OR2M2: variants seen among roughly 807,000 people sequenced by gnomAD.
OR2M2 encodes the protein olfactory receptor 2M2.
For synonymous variants in OR2M2, 168 were observed against 151.7 expected, an observed-to-expected ratio of 1.11 and a Z score of -0.79; for missense variants, 467 against 429.9, an observed-to-expected ratio of 1.09 and a Z score of -0.76.
At chr1:248,179,599 T>C (rs1665900743) in intron 1 of OR2M2, among the ~76,000 whole-genome samples, 1 of 152,232 alleles carries the variant, frequency 6.6e-6, no homozygotes, top group Admixed American at 6.5e-5. Context: ...GGTCACATGT[T>C]GACTGAAGCT....
chr1:248,176,890 C>T lies in OR2M2; in HGVS notation c.-19+2019C>T, dbSNP rs149303468. On this transcript the variant is annotated intron_variant, in intron 1 of 1. Coordinates refer to ENST00000641836, the MANE Select transcript of OR2M2 (RefSeq NM_001004688.2). ...GTCACATGTATCTTAGAAGAAATAT[C>T]TAATTTTCATGAGAAACAACATTAT... is the stretch of plus-strand genomic sequence containing the variant. Among the ~76,000 whole-genome samples the T allele has an allele frequency of 1.2e-3, 183 of 152,106 alleles. 3 individuals are homozygous for T. In the East Asian group the frequency reaches 0.028, roughly 23 times the overall value.
intron 1 of OR2M2, among the ~76,000 whole-genome samples, chr1:248,178,726 C>T (rs556470492): frequency 5.3e-5 from 8 of 152,138 alleles, no homozygotes; most frequent in Admixed American, 1.3e-4. Flanking sequence ...AACATTTATC[C>T]TTTTATGATA....
Position 248,180,792 on chromosome 1 carries a change from G to T in OR2M2, c.807G>T (p.Thr269=). 1 of 1,613,794 alleles carries T rather than the reference G, an allele frequency of 6.2e-7. No individual in the cohort carries two copies. The highest frequency in any genetic ancestry group is 1.1e-5 in the South Asian group (1 of 91,064). The change falls in exon 2 of 2, where the codon ACG becomes ACT. Residue 269 remains threonine (T), a synonymous_variant. Transcript: ENST00000641836. The part of the protein sequence containing the change: ...YIRPTSDHSP[T]QDKMVSVFYT... ...GGCCCACATCTGATCACTCCCCAAC[G>T]CAGGACAAGATGGTGTCTGTATTCT...
chr1:248,178,824 C>A (rs978189907), intron 1 of OR2M2, among the ~76,000 whole-genome samples: 1 of 152,220 alleles, frequency 6.6e-6, no homozygotes, highest in Non-Finnish European at 1.5e-5. Context: ...GTGGTAGCCA[C>A]AGTGGTCAAC....
At chr1:248,177,212 G>A (rs1351943157) in intron 1 of OR2M2, among the ~76,000 whole-genome samples, 1 of 152,062 alleles carries the variant, frequency 6.6e-6, no homozygotes, top group Non-Finnish European at 1.5e-5. Flanking sequence ...AGAGGGTTAT[G>A]TAGATTTACA....
chr1:248,180,242 T>C lies in OR2M2; in HGVS notation c.257T>C (p.Leu86Pro), dbSNP rs1665911978. ...TTVPKMAFNY[L>P]SGSKSISMAG... is the part of the protein sequence containing the mutation. ...GTACCCAAGATGGCCTTCAACTACC[T>C]GTCTGGCAGCAAGTCCATTTCTATG... The change falls in exon 2 of 2, where the codon CTG becomes CCG. Residue 86 changes from leucine (L) to proline (P), a missense_variant. Coordinates refer to ENST00000641836, the MANE Select transcript of OR2M2 (RefSeq NM_001004688.2). The C allele has an allele frequency of 6.2e-7, 1 of 1,614,050 alleles. No homozygotes were observed. The highest frequency in any genetic ancestry group is 1.3e-5 in the African/African-American group (1 of 74,894).
At chr1:248,179,721 T>C (rs572960386) in intron 1 of OR2M2, among the ~76,000 whole-genome samples, 1 of 152,308 alleles carries the variant, frequency 6.6e-6, no homozygotes, top group South Asian at 2.1e-4. Flanking sequence ...ATTAGATATT[T>C]TTATTCTAAT....
At chr1:248,177,206 G>A (rs978958482) in intron 1 of OR2M2, among the ~76,000 whole-genome samples, 1 of 151,956 alleles carries the variant, frequency 6.6e-6, no homozygotes, top group South Asian at 2.1e-4. Flanking sequence ...AAATTCAGAG[G>A]GTTATGTAGA....
At chr1:248,176,451 A>G (rs1665857561) in intron 1 of OR2M2, among the ~76,000 whole-genome samples, 1 of 152,166 alleles carries the variant, frequency 6.6e-6, no homozygotes, top group African/African-American at 2.4e-5. Flanking sequence ...TAAAAATAGA[A>G]GCATAAAATT....
chr1:248,180,029 T>C lies in OR2M2; in HGVS notation c.44T>C (p.Leu15Pro), dbSNP rs201832076. ...NQTFNSDFIL[L>P]GIFNHSPPHT... ...ACCTTCAACTCCGACTTCATCCTCCTTGGAATCTTCAATCACAGCCCACCA... is the reference window on the plus strand; with the variant it reads ...ACCTTCAACTCCGACTTCATCCTCCCTGGAATCTTCAATCACAGCCCACCA... The change falls in exon 2 of 2, where the codon CTT becomes CCT. Residue 15 changes from leucine to proline, a missense_variant. By Grantham distance (98) the Leu-to-Pro change is moderately conservative. Coordinates refer to ENST00000641836, the MANE Select transcript of OR2M2 (RefSeq NM_001004688.2). 11 of 1,614,010 alleles carry C rather than the reference T, an allele frequency of 6.8e-6. No individual in the cohort carries two copies. The highest frequency in any genetic ancestry group is 1.7e-4 in the Middle Eastern group (1 of 6,056).
Position 248,180,041 on chromosome 1 carries a change from A to C in OR2M2, c.56A>C (p.Asn19Thr), listed in dbSNP as rs141475463. ...NSDFILLGIFNHSPPHTFLFF... is the reference protein window; with the variant it reads ...NSDFILLGIFTHSPPHTFLFF... The stretch of plus-strand genomic sequence containing the variant: ...GACTTCATCCTCCTTGGAATCTTCA[A>C]TCACAGCCCACCACACACGTTCCTC... The change falls in exon 2 of 2, where the codon AAT becomes ACT. Residue 19 changes from asparagine (N) to threonine (T), a missense_variant. Asn to Thr is a moderately conservative substitution (Grantham distance 65). Coordinates refer to ENST00000641836, the MANE Select transcript of OR2M2 (RefSeq NM_001004688.2). The C allele has an allele frequency of 1.5e-3, 2,359 of 1,614,010 alleles. 3 individuals carry two copies. The highest frequency in any genetic ancestry group is 1.7e-3 in the Non-Finnish European group (2,060 of 1,179,982).
chr1:248,176,147 T>C (rs1286218834), intron 1 of OR2M2, among the ~76,000 whole-genome samples: 1 of 152,120 alleles, frequency 6.6e-6, no homozygotes, highest in Non-Finnish European at 1.5e-5. Flanking sequence ...TGTCTGACAT[T>C]ATTTCACATA....
Position 248,180,976 on chromosome 1 carries a change from T to C in OR2M2, c.991T>C (p.Ser331Pro), listed in dbSNP as rs755766907. The C allele has an allele frequency of 6.2e-7, 1 of 1,613,284 alleles. No individual in the cohort carries two copies. Among genetic ancestry groups the C allele is most frequent in the Non-Finnish European group, 8.5e-7 (1 of 1,179,458 alleles). The change falls in exon 2 of 2, where the codon TCC becomes CCC. Residue 331 changes from serine to proline, a missense_variant. Ser to Pro is a moderately conservative substitution (Grantham distance 74, BLOSUM62 -1). Transcript: ENST00000641836. ...GTTTGCTAAATTCTTCTTTCTAATATCCATCTTTTTCTATGATGTCAAAAT... is the reference window on the plus strand; with the variant it reads ...GTTTGCTAAATTCTTCTTTCTAATACCCATCTTTTTCTATGATGTCAAAAT... ...LLFAKFFFLI[S>P]IFFYDVKILA... is the part of the protein sequence containing the mutation.
At chr1:248,175,933 T>G (rs943839840) in intron 1 of OR2M2, among the ~76,000 whole-genome samples, 1 of 152,140 alleles carries the variant, frequency 6.6e-6, no homozygotes. Context: ...TTGGTGAGAC[T>G]CACCAATGCT....
chr1:248,175,966 A>C (rs1665852596), intron 1 of OR2M2, among the ~76,000 whole-genome samples: 1 of 152,028 alleles, frequency 6.6e-6, no homozygotes, highest in Non-Finnish European at 1.5e-5. Flanking sequence ...TATGGTTATA[A>C]ATTCCATTGT....
At chr1:248,176,734 T>C (rs1420621541) in intron 1 of OR2M2, among the ~76,000 whole-genome samples, 3 of 152,074 alleles carry the variant, frequency 2.0e-5, no homozygotes, top group Admixed American at 1.3e-4. Flanking sequence ...TTTATAGGAA[T>C]ATATACAGAT....
At chr1:248,176,037 A>G (rs1000546474) in intron 1 of OR2M2, among the ~76,000 whole-genome samples, 1 of 152,066 alleles carries the variant, frequency 6.6e-6, no homozygotes, top group Non-Finnish European at 1.5e-5. Context: ...CATTTTTGCA[A>G]ATATGAGAGA....
chr1:248,176,147 T>A (rs1286218834), intron 1 of OR2M2, among the ~76,000 whole-genome samples: 1 of 152,120 alleles, frequency 6.6e-6, no homozygotes, highest in African/African-American at 2.4e-5. Flanking sequence ...TGTCTGACAT[T>A]ATTTCACATA....
Position 248,180,736 on chromosome 1 carries a change from T to C in OR2M2, c.751T>C (p.Tyr251His). 6.2e-7 allele frequency: 1 copy of C among 1,613,654 alleles called. No homozygotes were observed. The highest frequency in any genetic ancestry group is 8.5e-7 in the Non-Finnish European group (1 of 1,179,860). The change falls in exon 2 of 2, where the codon TAC (tyrosine) becomes CAC (histidine). Residue 251 changes from tyrosine (Y) to histidine (H), a missense_variant. By Grantham distance (83) the Tyr-to-His change is moderately conservative. Transcript: ENST00000641836. Reference protein sequence around the residue: ...CSSHLMVVGMYYGAALFMYIR... With the variant: ...CSSHLMVVGMHYGAALFMYIR... ...CTCTCACCTCATGGTGGTGGGAATG[T>C]ACTATGGAGCAGCTTTGTTCATGTA...
Sources: gnomAD v4.1 joint callset for allele counts (sites outside exome capture counted in the v4.1 genomes callset) on GRCh38, gnomAD v4.1.1 for gene constraint, MANE v1.5 for transcripts, NCBI Gene and HGNC (gene_info 2026-07-23, HGNC 2026-07-21) for gene names.